The following CLTB variants were observed in gnomAD, a reference collection of about 807,000 sequenced individuals.
CLTB encodes the protein clathrin light chain B, also known as clathrin, light chain (Lcb).
A neutral mutation model predicts 30.5 loss-of-function variants in CLTB; 10 were observed. The observed-to-expected ratio is 0.33, with a 90% CI of 0.20 to 0.56. The LOEUF is 0.56. CLTB is among the 20% of genes least tolerant of loss of function. CLTB has a pLI of 0.91. For missense variants in CLTB, 261 were observed against 308.3 expected (o/e 0.85, Z 1.15); for synonymous variants, 102 against 120.3 (o/e 0.85, Z 1.00).
Position 176,397,725 on chromosome 5 carries a change from C to T in CLTB, c.353-7G>A, listed in dbSNP as rs767567441. ...GTGACCTTAGATGCAGCATCTAGGA[C>T]CCCACAAGAGAATGAGTGGCTGCTT... is the stretch of plus-strand genomic sequence containing the variant. On this transcript the variant is annotated splice_polypyrimidine_tract_variant and splice_region_variant and intron_variant, in intron 3 of 5. Coordinates refer to ENST00000310418, the MANE Select transcript of CLTB (RefSeq NM_007097.5). 2 of 1,609,716 alleles carry T rather than the reference C, an allele frequency of 1.2e-6. No individual in the cohort carries two copies. Among genetic ancestry groups the T allele is most frequent in the East Asian group, 2.2e-5 (1 of 44,844 alleles).
At chr5:176,395,667 A>G (rs1756486842) in intron 5 of CLTB, among the ~76,000 whole-genome samples, 1 of 152,050 alleles carries the variant, frequency 6.6e-6, no homozygotes. Context: ...TACTCATCAC[A>G]CCAAGTAGAC....
Position 176,416,366 on chromosome 5 carries a change from TCCCCGCGCCTCCGCCGGAGCCTC to T in CLTB, c.-26_-4del, listed in dbSNP as rs1757693726. ...AAGAAGCCAAAGTCATCAGCCATTT[TCCCCGCGCCTCCGCCGGAGCCTC>T]CGCTGCGCTCGGCTCTGCCCGCGCC... is the stretch of plus-strand genomic sequence containing the variant. On this transcript the variant is annotated 5_prime_UTR_variant, in exon 1 of 6. Transcript: ENST00000310418. The T allele has an allele frequency of 6.3e-7, 1 of 1,584,918 alleles. No individual in the cohort carries two copies. The highest frequency in any genetic ancestry group is 8.5e-7 in the Non-Finnish European group (1 of 1,169,718).
chr5:176,406,763 G>A (rs1340206234), intron 2 of CLTB: 1 of 1,234,868 alleles, frequency 8.1e-7, no homozygotes, highest in Admixed American at 2.5e-5. Flanking sequence ...ATCCTTGAAA[G>A]TGTTGGGTGT....
Position 176,393,365 on chromosome 5 carries a change from T to C in CLTB, c.519-420A>G, listed in dbSNP as rs1756344109. Among the ~76,000 whole-genome samples, 1 of 152,178 alleles carries C rather than the reference T, an allele frequency of 6.6e-6. No individual in the cohort carries two copies. Among genetic ancestry groups the C allele is most frequent in the South Asian group, 2.1e-4 (1 of 4,828 alleles). On this transcript the variant is annotated intron_variant, in intron 5 of 5. Transcript: ENST00000310418. This position sits in a 1 kb window ranked among gnomAD's most constrained non-coding sequence, Gnocchi z 4.4. ...ATGCAGGACCTTAGCTATTTCACCA[T>C]TTCCAAAAACTTGGCAGAAGTAGGA...
chr5:176,395,938 C>G (rs573432747), intron 5 of CLTB, among the ~76,000 whole-genome samples: 21 of 152,186 alleles, frequency 1.4e-4, no homozygotes, highest in Non-Finnish European at 2.6e-4. Flanking sequence ...AGTTCGAGAC[C>G]AGCCTGGCCG....
intron 2 of CLTB, chr5:176,406,383 G>A (rs2113665340): frequency 2.6e-6 from 3 of 1,136,472 alleles, no homozygotes; most frequent in East Asian, 1.6e-4. Context: ...CCACCCATGA[G>A]AACCTCTGTG....
rs763727838 is a variant in CLTB, at chr5:176,392,631, C to T, written c.*143G>A. The T allele has an allele frequency of 4.3e-6, 4 of 933,874 alleles. No homozygotes were observed. Among genetic ancestry groups the T allele is most frequent in the African/African-American group, 3.3e-5 (2 of 61,034 alleles). 57.8% of individuals were successfully genotyped at this position (933,874 alleles called of 1,614,324 possible). The stretch of plus-strand genomic sequence containing the variant: ...GGAGCGAGGCGTGATGGGGTGAGGG[C>T]CCCCCTCCCAGCGCCTGGAGATGGG... On this transcript the variant is annotated 3_prime_UTR_variant, in exon 6 of 6. Coordinates refer to ENST00000310418, the MANE Select transcript of CLTB (RefSeq NM_007097.5). This position sits in a 1 kb window ranked among gnomAD's most constrained non-coding sequence, Gnocchi z 5.2.
chr5:176,397,693 C>T lies in CLTB; in HGVS notation c.378G>A (p.Gln126=), dbSNP rs1361704138. The change falls in exon 4 of 6, where the codon CAG becomes CAA. Residue 126 remains glutamine (Q), a synonymous_variant. Transcript: ENST00000310418. ...CCTTCTTGGCCTTCTCCCGCCATTC[C>T]TGTTCCGTGACCTTAGATGCAGCAT... The part of the protein sequence containing the change: ...ELDAASKVTE[Q]EWREKAKKDL... 20 of 1,613,954 alleles carry T rather than the reference C, an allele frequency of 1.2e-5. No homozygotes were observed. Among genetic ancestry groups the T allele is most frequent in the Non-Finnish European group, 1.7e-5 (20 of 1,179,984 alleles).
chr5:176,404,769 G>A lies in CLTB; in HGVS notation c.234+5488C>T, dbSNP rs576678343. 1.9e-3 allele frequency among the ~76,000 whole-genome samples: 296 copies of A among 152,250 alleles called. 1 individual carries two copies. Among genetic ancestry groups the A allele is most frequent in the African/African-American group, 6.7e-3 (278 of 41,554 alleles). On this transcript the variant is annotated intron_variant, in intron 2 of 5. Coordinates refer to ENST00000310418, the MANE Select transcript of CLTB (RefSeq NM_007097.5). ...CACGTCCCTTTGTGCAGCAGGTCCC[G>A]GGCTCCGGTGAACCCCGGAATGAGT...
At chr5:176,403,072 C>A (rs1177623229) in intron 2 of CLTB, among the ~76,000 whole-genome samples, 1 of 132,850 alleles carries the variant, frequency 7.5e-6, no homozygotes, top group Non-Finnish European at 1.6e-5. Flanking sequence ...TTTTTTGAGG[C>A]GGAGTCTCGC....
intron 5 of CLTB, among the ~76,000 whole-genome samples, 169 bp downstream of exon 5, chr5:176,396,310 G>A (rs916706534): frequency 6.6e-6 from 1 of 152,180 alleles, no homozygotes; most frequent in Non-Finnish European, 1.5e-5. Flanking sequence ...CTTCACTGGA[G>A]GGAGGGAGGT....
intron 2 of CLTB, among the ~76,000 whole-genome samples, chr5:176,404,947 C>A (rs1757031890): frequency 6.6e-6 from 1 of 152,218 alleles, no homozygotes; most frequent in Admixed American, 6.5e-5. Context: ...ATCCTGGATT[C>A]AAGTTTTACC....
intron 2 of CLTB, among the ~76,000 whole-genome samples, chr5:176,410,050 A>G (rs183935840): frequency 5.9e-4 from 90 of 152,276 alleles, no homozygotes; most frequent in African/African-American, 2.0e-3. Flanking sequence ...CTGCCCATCA[A>G]TCTCGATCTC....
chr5:176,414,676 A>T (rs1052664333), intron 1 of CLTB, among the ~76,000 whole-genome samples: 3 of 152,274 alleles, frequency 2.0e-5, no homozygotes, highest in African/African-American at 7.2e-5. Flanking sequence ...TTGAAAGAGC[A>T]TGGAGCCCAG....
intron 2 of CLTB, among the ~76,000 whole-genome samples, chr5:176,399,877 C>CAAA (rs750656977): frequency 2.8e-5 from 3 of 108,850 alleles, no homozygotes; most frequent in East Asian, 2.6e-4. Flanking sequence ...GACTTGGTCT[C>CAAA]AAAAAAAAAA....
chr5:176,410,717 C>T (rs1002462638), intron 1 of CLTB, among the ~76,000 whole-genome samples: 1 of 152,158 alleles, frequency 6.6e-6, no homozygotes, highest in Non-Finnish European at 1.5e-5. Flanking sequence ...GCTGTAAGCT[C>T]AGGGCAGGGG....
intron 2 of CLTB, among the ~76,000 whole-genome samples, chr5:176,402,473 T>C (rs1278276070): frequency 6.6e-6 from 1 of 152,180 alleles, no homozygotes; most frequent in Non-Finnish European, 1.5e-5. Flanking sequence ...AGACTCTGTC[T>C]GGAACATTCT....
chr5:176,415,950 A>C (rs752194336), intron 1 of CLTB, among the ~76,000 whole-genome samples: 2 of 152,298 alleles, frequency 1.3e-5, no homozygotes, highest in Non-Finnish European at 2.9e-5. Context: ...ATGAAATGTC[A>C]TGACCGAATT....
chr5:176,411,496 C>A (rs1757425049), intron 1 of CLTB, among the ~76,000 whole-genome samples: 1 of 152,224 alleles, frequency 6.6e-6, no homozygotes. Flanking sequence ...AAAGGCCTCC[C>A]TGACCACACC....
Sources: gnomAD v4.1 joint callset for allele counts (sites outside exome capture counted in the v4.1 genomes callset) on GRCh38, gnomAD v4.1.1 for gene constraint, Gnocchi (gnomAD v3.1) non-coding constraint, MANE v1.5 for transcripts, NCBI Gene and HGNC (gene_info 2026-07-23, HGNC 2026-07-21) for gene names.